Variants in MYO5C observed in about 807,000 individuals in gnomAD.
MYO5C encodes the protein unconventional myosin-Vc.
A neutral mutation model predicts 235.7 loss-of-function variants in MYO5C; 194 were observed. The ratio of observed to expected loss-of-function variants is 0.82; its 90% CI spans 0.73 to 0.93. The LOEUF is 0.93. MYO5C is among the 40% of genes least tolerant of loss of function. The pLI is 0.00. For synonymous variants in MYO5C, 707 were observed against 754.8 expected, an observed-to-expected ratio of 0.94 and a Z score of 1.04; for missense variants, 2,038 against 2,127.2, an observed-to-expected ratio of 0.96 and a Z score of 0.82.
At chr15:52,235,586 TG>T in intron 23 of MYO5C, 83 bp downstream of exon 23, 1 of 1,054,188 alleles carries the variant, frequency 9.5e-7, no homozygotes, top group Non-Finnish European at 1.4e-6. Flanking sequence ...CAGAGACCCC[TG>T]GTTCTAAAAC....
chr15:52,275,860 T>G, intron 4 of MYO5C, 142 bp from the exon 5 acceptor site: 1 of 829,448 alleles, frequency 1.2e-6, no homozygotes, highest in Admixed American at 2.8e-5. Context: ...AATTTCCTTC[T>G]AGATTTTTTT....
intron 8 of MYO5C, among the ~76,000 whole-genome samples, chr15:52,266,742 G>A (rs902352627): frequency 6.6e-5 from 10 of 152,178 alleles, no homozygotes; most frequent in African/African-American, 1.9e-4. Context: ...GACCCACAGC[G>A]TTCATGAGGC....
At chr15:52,208,533 A>G in intron 36 of MYO5C, 21 bp downstream of exon 36, 1 of 1,611,162 alleles carries the variant, frequency 6.2e-7, no homozygotes, top group African/African-American at 1.3e-5. Flanking sequence ...ACAAAACAAC[A>G]AGCAGGTGGG....
At chr15:52,263,774 C>G (rs954068848) in intron 9 of MYO5C, among the ~76,000 whole-genome samples, 1 of 152,182 alleles carries the variant, frequency 6.6e-6, no homozygotes, top group African/African-American at 2.4e-5. Context: ...TGCATGCCCC[C>G]TCTGCTTTAC....
intron 26 of MYO5C, 22 bp from the exon 27 acceptor site, chr15:52,225,160 G>A (rs140661762): frequency 6.2e-7 from 1 of 1,612,400 alleles, no homozygotes; most frequent in Non-Finnish European, 8.5e-7. Context: ...AGGCAGAGTT[G>A]TATATATTAC....
chr15:52,281,395 T>G (rs954707561), intron 2 of MYO5C, among the ~76,000 whole-genome samples: 1 of 152,228 alleles, frequency 6.6e-6, no homozygotes, highest in Non-Finnish European at 1.5e-5. Flanking sequence ...CCTGAAGCCC[T>G]GCAGATATTA....
In MYO5C at chr15:52,269,859, C is replaced by A. The variant is rs1387733868; in HGVS notation, c.834G>T (p.Gly278=). The change falls in exon 8 of 41, where the codon GGG becomes GGT. Residue 278 remains glycine (G), a splice_region_variant and synonymous_variant. Transcript: ENST00000261839. ...QQSEFKHLKL[G]SAEEFNYTRM... Reference sequence around the variant, plus strand: ...TTGTATAATTAAATTCTTCGGCACTCCCTGAAATCAAAAAGTAAGATTTGT... The same window carrying A: ...TTGTATAATTAAATTCTTCGGCACTACCTGAAATCAAAAAGTAAGATTTGT... 2 of 1,603,488 alleles carry A rather than the reference C, an allele frequency of 1.2e-6. No homozygotes were observed. Among genetic ancestry groups the A allele is most frequent in the Admixed American group, 1.7e-5 (1 of 59,676 alleles).
At chr15:52,245,133 T>G (rs2036310204) in intron 18 of MYO5C, among the ~76,000 whole-genome samples, 1 of 152,184 alleles carries the variant, frequency 6.6e-6, no homozygotes, top group South Asian at 2.1e-4. Flanking sequence ...ACGAGGACAC[T>G]GGGGAGGCCG....
At chr15:52,198,932 T>C (rs550945101) in intron 38 of MYO5C, among the ~76,000 whole-genome samples, 2 of 151,918 alleles carry the variant, frequency 1.3e-5, no homozygotes, top group African/African-American at 4.8e-5. Flanking sequence ...CTCGCTCTGT[T>C]GCCCAGGCTG....
chr15:52,219,762 C>A lies in MYO5C; in HGVS notation c.3782G>T (p.Arg1261Ile). The A allele has an allele frequency of 6.2e-7, 1 of 1,609,980 alleles. No homozygotes were observed. Among genetic ancestry groups the A allele is most frequent in the South Asian group, 1.1e-5 (1 of 90,684 alleles). Reference protein sequence around the residue: ...HRSQEEEGTQRKALEAQNEIH... With the variant: ...HRSQEEEGTQIKALEAQNEIH... Reference sequence around the variant, plus strand: ...GTACACACATATTTACACTTACTTTCTTTGTGTTCCTTCCTCCTCTTGACT... The same window carrying A: ...GTACACACATATTTACACTTACTTTATTTGTGTTCCTTCCTCCTCTTGACT... The change falls in exon 31 of 41, where the codon AGA becomes ATA. Residue 1261 changes from arginine to isoleucine, a missense_variant. Transcript: ENST00000261839.
At chr15:52,250,677 C>G (rs369595518) in intron 13 of MYO5C, among the ~76,000 whole-genome samples, 1 of 152,150 alleles carries the variant, frequency 6.6e-6, no homozygotes, top group East Asian at 1.9e-4. Context: ...CCGGCCTCTG[C>G]GATAAACATA....
intron 36 of MYO5C, among the ~76,000 whole-genome samples, chr15:52,206,742 C>T (rs2035324189): frequency 6.6e-6 from 1 of 152,204 alleles, no homozygotes; most frequent in Admixed American, 6.5e-5. Context: ...TTGTTTAAGC[C>T]ACCCAGCCTG....
At chr15:52,261,275 G>C in intron 9 of MYO5C, 148 bp from the exon 10 acceptor site, 1 of 922,652 alleles carries the variant, frequency 1.1e-6, no homozygotes, top group Non-Finnish European at 1.6e-6. Context: ...AGGAGGTGGA[G>C]ATAGACCTGG....
chr15:52,214,267 T>C (rs548780577), intron 33 of MYO5C, among the ~76,000 whole-genome samples: 2 of 152,312 alleles, frequency 1.3e-5, no homozygotes, highest in East Asian at 1.9e-4. Context: ...ATCCTACATA[T>C]GTAACAGGGA....
At chr15:52,235,589 T>A (rs551597918) in intron 23 of MYO5C, 81 bp downstream of exon 23, 1 of 1,110,280 alleles carries the variant, frequency 9.0e-7, no homozygotes, top group African/African-American at 1.6e-5. Flanking sequence ...AGACCCCTGG[T>A]TCTAAAACTG....
At position 52,193,749 on chromosome 15, in the gene MYO5C, A is replaced by G. The variant is rs1047020425; in HGVS notation, c.*153T>C. The G allele has an allele frequency of 1.4e-6, 1 of 739,378 alleles. No homozygotes were observed. The highest frequency in any genetic ancestry group is 1.8e-5 in the African/African-American group (1 of 55,656). The allele number at this position is 739,378 out of a possible 1,614,324, so 45.8% of individuals were successfully genotyped here. A position where few individuals can be genotyped will look rare whatever the true frequency, so the allele number is the denominator to read the frequency against. ...ACAAAATTACAGGAGCAGCATTGTC[A>G]CTGTGAGTGAGAGATGATGTGGTCC... On this transcript the variant is annotated 3_prime_UTR_variant, in exon 41 of 41. Transcript: ENST00000261839.
At position 52,282,904 on chromosome 15, in the gene MYO5C, G is replaced by A. The variant is rs1490295534; in HGVS notation, c.28-12C>T. ...CAGACCCTGTTGTACTGACCAACAG[G>A]ATGAGAAAAGCTGAATTTCAGGACT... On this transcript the variant is annotated splice_polypyrimidine_tract_variant and intron_variant, in intron 1 of 40. Transcript: ENST00000261839. 1 of 1,562,454 alleles carries A rather than the reference G, an allele frequency of 6.4e-7. No homozygotes were observed. The highest frequency in any genetic ancestry group is 8.8e-7 in the Non-Finnish European group (1 of 1,133,004).
intron 20 of MYO5C, among the ~76,000 whole-genome samples, chr15:52,241,751 TGAGA>T (rs56402436): frequency 6.7e-6 from 1 of 150,150 alleles, no homozygotes; most frequent in Non-Finnish European, 1.5e-5. Context: ...TGTGTGTGTG[TGAGA>T]GAGAGAGACA....
intron 40 of MYO5C, 77 bp downstream of exon 40, chr15:52,195,300 A>G: frequency 1.0e-6 from 1 of 978,290 alleles, no homozygotes; most frequent in Non-Finnish European, 1.5e-6. Context: ...CTGGATTTCT[A>G]TAATGTTAAT....
Sources: gnomAD v4.1 joint callset for allele counts (sites outside exome capture counted in the v4.1 genomes callset) on GRCh38, gnomAD v4.1.1 for gene constraint, MANE v1.5 for transcripts, NCBI Gene and HGNC (gene_info 2026-07-23, HGNC 2026-07-21) for gene names.